The following SLC4A10 variants were observed in gnomAD, a reference collection of about 807,000 sequenced individuals.
SLC4A10 encodes solute carrier family 4 member 10.
A neutral mutation model predicts 137.7 loss-of-function variants in SLC4A10; 42 were observed. The ratio of observed to expected loss-of-function variants is 0.30; its 90% CI spans 0.24 to 0.39. SLC4A10 has a LOEUF of 0.39. SLC4A10 is among the 10% of genes least tolerant of loss of function. The pLI, the probability that SLC4A10 is intolerant of heterozygous loss-of-function variation, is 1.00. For missense variants in SLC4A10, 925 were observed against 1,355.0 expected, an observed-to-expected ratio of 0.68 and a Z score of 4.98; for synonymous variants, 474 against 464.1, an observed-to-expected ratio of 1.02 and a Z score of -0.27.
chr2:161,942,225 T>C (rs1029291824), intron 15 of SLC4A10, among the ~76,000 whole-genome samples: 1 of 152,198 alleles, frequency 6.6e-6, no homozygotes. Flanking sequence ...GAAATTCTTC[T>C]CTATGAAAAT....
intron 1 of SLC4A10, among the ~76,000 whole-genome samples, chr2:161,655,814 C>A (rs1025227425): frequency 6.7e-6 from 1 of 150,180 alleles, no homozygotes; most frequent in African/African-American, 2.4e-5. Context: ...ATTAAAAATT[C>A]TTCTTTTTTT....
chr2:161,896,566 A>G (rs2063526437), intron 11 of SLC4A10, among the ~76,000 whole-genome samples: 1 of 152,066 alleles, frequency 6.6e-6, no homozygotes, highest in South Asian at 2.1e-4. Flanking sequence ...ATACCTAGGA[A>G]TCCAACTTAC....
chr2:161,709,648 C>A (rs1356620260), intron 1 of SLC4A10: 2 of 151,518 alleles, frequency 1.3e-5, no homozygotes, highest in Admixed American at 1.3e-4. Flanking sequence ...CTATGTTAAA[C>A]ATGCAAATGA....
chr2:161,906,010 C>T, intron 15 of SLC4A10, 123 bp downstream of exon 15: 1 of 1,267,986 alleles, frequency 7.9e-7, no homozygotes, highest in Non-Finnish European at 1.1e-6. Flanking sequence ...TGACCTAAAT[C>T]CTGACTCTCA....
rs552048994 is a variant in SLC4A10 at position 161,985,139 on chromosome 2, C to T, written c.*1987C>T. The T allele has an allele frequency of 2.6e-5, 4 of 151,906 alleles. No homozygotes were observed. The highest frequency in any genetic ancestry group is 2.9e-5 in the Non-Finnish European group (2 of 67,912). The allele number at this position is 151,906 out of a possible 1,614,324, so 9.4% of individuals were successfully genotyped here. A position where few individuals can be genotyped will look rare whatever the true frequency, so the allele number is the denominator to read the frequency against. On this transcript the variant is annotated 3_prime_UTR_variant, in exon 27 of 27. Transcript: ENST00000446997. Reference sequence around the variant, plus strand: ...AATTTCAGATTCCTGGTCAAAATTACTAAATATCTTGAATGTAATTTAGTG... The same window carrying T: ...AATTTCAGATTCCTGGTCAAAATTATTAAATATCTTGAATGTAATTTAGTG...
intron 8 of SLC4A10, among the ~76,000 whole-genome samples, chr2:161,875,625 C>T (rs183472638): frequency 9.2e-5 from 14 of 152,262 alleles, no homozygotes; most frequent in Admixed American, 3.3e-4. Context: ...GACAGTGGAA[C>T]GTAGGTATTT....
chr2:161,792,997 T>C (rs2054369633), intron 2 of SLC4A10, among the ~76,000 whole-genome samples: 1 of 152,122 alleles, frequency 6.6e-6, no homozygotes, highest in East Asian at 1.9e-4. Flanking sequence ...TGGGGGATAA[T>C]ACCCATAATC....
chr2:161,666,714 A>T (rs1170385140), intron 1 of SLC4A10, among the ~76,000 whole-genome samples: 1 of 151,724 alleles, frequency 6.6e-6, no homozygotes, highest in East Asian at 1.9e-4. Context: ...GTTCTTAAGG[A>T]TTTGCTATAT....
intron 3 of SLC4A10, among the ~76,000 whole-genome samples, chr2:161,834,767 A>G (rs2058658312): frequency 6.6e-6 from 1 of 151,542 alleles, no homozygotes; most frequent in Non-Finnish European, 1.5e-5. Flanking sequence ...CACTCATTCC[A>G]TGGGGTGGAT....
At chr2:161,969,972 C>T (rs942073598) in intron 23 of SLC4A10, among the ~76,000 whole-genome samples, 1 of 152,106 alleles carries the variant, frequency 6.6e-6, no homozygotes, top group Non-Finnish European at 1.5e-5. Context: ...GTTCCAGAAC[C>T]ACTGCCACAT....
chr2:161,880,699 G>A lies in SLC4A10; in HGVS notation c.1106+1411G>A, dbSNP rs553365699. On this transcript the variant is annotated intron_variant, in intron 9 of 26. Coordinates refer to ENST00000446997, the MANE Select transcript of SLC4A10 (RefSeq NM_001178015.2). ...TGTAACCTATTCAAGGTTTCTGGGA[G>A]TCTGGGATTTATATCTAAGATGTTA... 2.0e-5 allele frequency among the ~76,000 whole-genome samples: 3 copies of A among 152,234 alleles called. No individual in the cohort carries two copies. The South Asian group carries it at 6.2e-4, about 32-fold the overall frequency.
intron 21 of SLC4A10, among the ~76,000 whole-genome samples, chr2:161,960,851 G>C (rs1467655363): frequency 6.6e-6 from 1 of 152,154 alleles, no homozygotes; most frequent in Non-Finnish European, 1.5e-5. Context: ...AGGGAGTGTG[G>C]CCCTGGCAAT....
At chr2:161,949,121 A>G in intron 17 of SLC4A10, 27 bp from the exon 18 acceptor site, 6 of 1,467,406 alleles carry the variant, frequency 4.1e-6, no homozygotes, top group Non-Finnish European at 4.7e-6. Flanking sequence ...AGCTACTTTA[A>G]GTGACAAGTG....
chr2:161,870,655 C>G (rs933401162), intron 6 of SLC4A10, among the ~76,000 whole-genome samples: 4 of 151,690 alleles, frequency 2.6e-5, no homozygotes, highest in African/African-American at 9.7e-5. Flanking sequence ...TTTAAAACTA[C>G]AGTTATTATT....
rs1219783826 is a variant in SLC4A10, at chr2:161,863,006, G to A, written c.710G>A (p.Arg237His). The A allele has an allele frequency of 6.2e-7, 1 of 1,613,858 alleles. No homozygotes were observed. Among genetic ancestry groups the A allele is most frequent in the Non-Finnish European group, 8.5e-7 (1 of 1,179,848 alleles). ...CTCACCAACAGGATTCCCATTGTTC[G>A]TTCCTTTGCTGATATTGGCAAGAAA... ...KKLTNRIPIV[R>H]SFADIGKKQS... The change falls in exon 6 of 27, where the codon CGT (arginine) becomes CAT (histidine). Residue 237 changes from arginine to histidine, a missense_variant. By Grantham distance (29) the Arg-to-His change is conservative. Transcript: ENST00000446997.
At chr2:161,673,905 G>T (rs1209345399) in intron 1 of SLC4A10, among the ~76,000 whole-genome samples, 1 of 152,076 alleles carries the variant, frequency 6.6e-6, no homozygotes, top group African/African-American at 2.4e-5. Flanking sequence ...CAGGAGAATC[G>T]CTTGAACCCA....
At chr2:161,903,117 C>A (rs1008218492) in intron 12 of SLC4A10, among the ~76,000 whole-genome samples, 1 of 152,062 alleles carries the variant, frequency 6.6e-6, no homozygotes. Flanking sequence ...CTTATTAATG[C>A]TCTCATTTCT....
chr2:161,866,952 ACT>A (rs1455595610), intron 6 of SLC4A10, among the ~76,000 whole-genome samples: 1 of 151,814 alleles, frequency 6.6e-6, no homozygotes, highest in East Asian at 1.9e-4. Flanking sequence ...ATAATTTCTA[ACT>A]CTGTTCGTTT....
rs374793649 is a variant in SLC4A10, at chr2:161,627,210, G to A, written c.48+2644G>A. Among the ~76,000 whole-genome samples, 11 of 152,218 alleles carry A rather than the reference G, an allele frequency of 7.2e-5. No homozygotes were observed. In the East Asian group the frequency reaches 1.7e-3, roughly 24 times the overall value. ...CTATATTCATCTCAAAGTAGATATT[G>A]AGAGGATGTATAGGTTTCAGGTTTT... On this transcript the variant is annotated intron_variant, in intron 1 of 26. Transcript: ENST00000446997.
Sources: allele counts gnomAD v4.1 joint callset (sites outside exome capture counted in the v4.1 genomes callset), GRCh38; gene constraint gnomAD v4.1.1; transcripts MANE v1.5; gene names NCBI Gene and HGNC (gene_info 2026-07-23, HGNC 2026-07-21).